Variants in SPINK5 observed in about 807,000 individuals in gnomAD.
The protein encoded by SPINK5 is serine protease inhibitor Kazal-type 5.
SPINK5 carries 125 observed loss-of-function variants against 151.8 expected under a neutral mutation model. That is an observed-to-expected ratio of 0.82 (90% confidence interval 0.71 to 0.96). The LOEUF (loss-of-function observed/expected upper bound fraction) is 0.96. Ranked by LOEUF, SPINK5 falls within the 40% of genes least tolerant of loss-of-function variation. The pLI is 0.00. For missense variants in SPINK5, 1,194 were observed against 1,291.9 expected, an observed-to-expected ratio of 0.92 and a Z score of 1.16; for synonymous variants, 374 against 395.3, an observed-to-expected ratio of 0.95 and a Z score of 0.64.
At chr5:148,104,820 C>T (rs903257123) in intron 15 of SPINK5, 132 bp from the exon 16 acceptor site, 9 of 698,006 alleles carry the variant, frequency 1.3e-5, no homozygotes, top group African/African-American at 5.5e-5. Context: ...TGCTTGAACC[C>T]GGGAGGTGGA....
At chr5:148,125,687 CA>C (rs762787293) in intron 28 of SPINK5, 35 bp from the exon 29 acceptor site, 1 of 1,614,174 alleles carries the variant, frequency 6.2e-7, no homozygotes, top group Admixed American at 1.7e-5. Flanking sequence ...CAAAAAGGGA[CA>C]AAGCCATGTT....
chr5:148,112,809 T>G, intron 19 of SPINK5, 59 bp from the exon 20 acceptor site: 1 of 1,608,982 alleles, frequency 6.2e-7, no homozygotes. Context: ...ACATTTCTCC[T>G]TTAGGGTAGT....
intron 4 of SPINK5, among the ~76,000 whole-genome samples, chr5:148,072,866 TAAAA>T (rs10628434): frequency 7.0e-6 from 1 of 143,860 alleles, no homozygotes; most frequent in Non-Finnish European, 1.5e-5. Flanking sequence ...TGTTCTCTGG[TAAAA>T]AAAAAAAAAG....
At chr5:148,082,603 T>TAAAAAA (rs1439912605) in intron 4 of SPINK5, among the ~76,000 whole-genome samples, 28 of 29,756 alleles carry the variant, frequency 9.4e-4, no homozygotes, top group Middle Eastern at 0.014. Flanking sequence ...TATATATTCT[T>TAAAAAA]TTTTTTTTTT....
intron 20 of SPINK5, among the ~76,000 whole-genome samples, chr5:148,114,132 T>G (rs753853958): frequency 5.3e-5 from 8 of 152,146 alleles, no homozygotes; most frequent in Non-Finnish European, 1.2e-4. Context: ...GAGAGTCTTG[T>G]GTATGGTTGC....
intron 16 of SPINK5, 97 bp downstream of exon 16, chr5:148,105,097 T>C: frequency 7.4e-7 from 1 of 1,347,790 alleles, no homozygotes; most frequent in Non-Finnish European, 1.0e-6. Context: ...TCTGTTTAAT[T>C]TTCATGCCTG....
At chr5:148,116,525 T>G in intron 22 of SPINK5, 59 bp downstream of exon 22, 1 of 1,493,768 alleles carries the variant, frequency 6.7e-7, no homozygotes, top group Non-Finnish European at 9.3e-7. Flanking sequence ...ACAATAGGAC[T>G]GTGAATAGCG....
chr5:148,099,933 A>C (rs189205867), intron 12 of SPINK5, among the ~76,000 whole-genome samples: 2 of 152,204 alleles, frequency 1.3e-5, no homozygotes, highest in Admixed American at 1.3e-4. Context: ...TAATCCTGTT[A>C]TCTCTCCTCT....
At chr5:148,123,521 G>GTGTGTGTATATATA (rs1328976077) in intron 26 of SPINK5, among the ~76,000 whole-genome samples, 3 of 25,016 alleles carry the variant, frequency 1.2e-4, no homozygotes, top group African/African-American at 2.4e-4. Flanking sequence ...CAATATATGT[G>GTGTGTGTATATATA]TATATATATA....
At position 148,107,225 on chromosome 5, in the gene SPINK5, A is replaced by G. The variant is rs1389458807; in HGVS notation, c.1607+61A>G. 7 of 1,597,156 alleles carry G rather than the reference A, an allele frequency of 4.4e-6. No homozygotes were observed. In the East Asian group the frequency reaches 1.6e-4, roughly 36 times the overall value. On this transcript the variant is annotated intron_variant, in intron 17 of 32. Transcript: ENST00000256084. ...TCATCCATGATCGCCCCTGAGTCTCAGATCCTTCATGCATGTGTAGAGTAT... is the reference window on the plus strand; with the variant it reads ...TCATCCATGATCGCCCCTGAGTCTCGGATCCTTCATGCATGTGTAGAGTAT...
At position 148,089,622 on chromosome 5, in the gene SPINK5, G is replaced by A; in HGVS notation, c.602+1G>A. On this transcript the variant is annotated splice_donor_variant, in intron 7 of 32. Transcript: ENST00000256084. LOFTEE classifies it high-confidence loss of function. ...AGTGTGCAATGTGTGCTGAGCTGTT[G>A]TAAGTAGCATCATCCCCAGGTGGAC... 1 of 1,611,734 alleles carries A rather than the reference G, an allele frequency of 6.2e-7. No individual in the cohort carries two copies. The highest frequency in any genetic ancestry group is 8.5e-7 in the Non-Finnish European group (1 of 1,178,468).
chr5:148,095,920 G>A lies in SPINK5; in HGVS notation c.882+15G>A. The A allele has an allele frequency of 6.3e-7, 1 of 1,599,024 alleles. No homozygotes were observed. The highest frequency in any genetic ancestry group is 1.1e-5 in the South Asian group (1 of 90,576). On this transcript the variant is annotated intron_variant, in intron 10 of 32. Coordinates refer to ENST00000256084, the MANE Select transcript of SPINK5 (RefSeq NM_006846.4). ...GAGAAATTGTGGTGAGAATCAGTTT[G>A]ATCAATCTAGTTACAACTTGTGTGT...
chr5:148,129,435 G>T (rs1249302441), intron 30 of SPINK5, among the ~76,000 whole-genome samples: 1 of 152,174 alleles, frequency 6.6e-6, no homozygotes, highest in East Asian at 1.9e-4. Context: ...TGGAGCTCTT[G>T]AGAGGTGGTA....
At position 148,114,474 on chromosome 5, in the gene SPINK5, T is replaced by C; in HGVS notation, c.2000T>C (p.Met667Thr). The C allele has an allele frequency of 1.2e-6, 2 of 1,613,586 alleles. No homozygotes were observed. The highest frequency in any genetic ancestry group is 2.7e-5 in the African/African-American group (2 of 75,028). The change falls in exon 21 of 33, where the codon ATG becomes ACG. Residue 667 changes from methionine (M) to threonine (T), a missense_variant. Transcript: ENST00000256084. Reference protein sequence around the residue: ...DGKTHGNKCAMCKAVFQKENE... With the variant: ...DGKTHGNKCATCKAVFQKENE... ...AAGACCCATGGCAACAAGTGTGCCA[T>C]GTGTAAGGCAGTCTTGTGAGTGCAC... is the stretch of plus-strand genomic sequence containing the variant.
chr5:148,091,173 A>C lies in SPINK5; in HGVS notation c.611A>C (p.Glu204Ala). Residue 204 changes from glutamate (E) to alanine (A), a missense_variant, in exon 8 of 33, where the codon GAA becomes GCA. Transcript: ENST00000256084. ...CAMCAELFLK[E>A]AENAKREGET... ...TTTACTTTTCTTAACAGTTTAAAAG[A>C]AGCTGAAAATGCCAAGCGAGAGGGT... is the stretch of plus-strand genomic sequence containing the variant. 1 of 1,611,264 alleles carries C rather than the reference A, an allele frequency of 6.2e-7. No individual in the cohort carries two copies. The highest frequency in any genetic ancestry group is 1.3e-5 in the African/African-American group (1 of 74,832).
Position 148,124,857 on chromosome 5 carries a change from CA to C in SPINK5, c.2739+24del. On this transcript the variant is annotated intron_variant, in intron 28 of 32. Coordinates refer to ENST00000256084, the MANE Select transcript of SPINK5 (RefSeq NM_006846.4). ...GCAAAGGTTATTTATTAAAGGATAC[CA>C]AAATAACCATTTTACTTTTCACCTT... 1 of 1,564,458 alleles carries C rather than the reference CA, an allele frequency of 6.4e-7. No individual in the cohort carries two copies. Among genetic ancestry groups the C allele is most frequent in the South Asian group, 1.2e-5 (1 of 80,144 alleles).
chr5:148,114,635 C>T, intron 21 of SPINK5, 146 bp downstream of exon 21: 2 of 1,204,118 alleles, frequency 1.7e-6, no homozygotes, highest in Non-Finnish European at 2.4e-6. Flanking sequence ...TAAATCTTTT[C>T]TTTATAATGG....
intron 16 of SPINK5, among the ~76,000 whole-genome samples, chr5:148,105,262 T>C (rs1382577337): frequency 6.6e-6 from 1 of 152,246 alleles, no homozygotes; most frequent in African/African-American, 2.4e-5. Flanking sequence ...CATATTTGGC[T>C]TTTATTAGAT....
intron 17 of SPINK5, among the ~76,000 whole-genome samples, chr5:148,108,105 T>G (rs1000918334): frequency 2.0e-5 from 3 of 152,112 alleles, no homozygotes; most frequent in Non-Finnish European, 4.4e-5. Context: ...TTTGCTGGTG[T>G]TGTGGTAATG....
Sources: gnomAD v4.1 joint callset for allele counts (sites outside exome capture counted in the v4.1 genomes callset) on GRCh38, gnomAD v4.1.1 for gene constraint, MANE v1.5 for transcripts, NCBI Gene and HGNC (gene_info 2026-07-23, HGNC 2026-07-21) for gene names.